Variants in GIT2 observed in about 807,000 individuals in gnomAD.
The protein encoded by GIT2 is ARF GTPase-activating protein GIT2.
GIT2 carries 32 observed loss-of-function variants against 100.3 expected under a neutral mutation model. That is an observed-to-expected ratio of 0.32 (90% CI 0.24 to 0.43). The LOEUF (loss-of-function observed/expected upper bound fraction) is 0.43. Among genes scored for constraint, GIT2 ranks in the 20% least tolerant of loss-of-function variants. The pLI is 1.00. For missense variants in GIT2, 737 were observed against 975.1 expected (o/e 0.76, Z 3.25); for synonymous variants, 353 against 364.1 (o/e 0.97, Z 0.35).
At position 109,939,255 on chromosome 12, in the gene GIT2, AAAG is replaced by A; in HGVS notation, c.1732-11_1732-9del. The A allele has an allele frequency of 6.5e-7, 1 of 1,530,028 alleles. No individual in the cohort carries two copies. The highest frequency in any genetic ancestry group is 9.1e-7 in the Non-Finnish European group (1 of 1,103,580). 94.8% of individuals were successfully genotyped at this position (1,530,028 alleles called of 1,614,324 possible). A position where few individuals can be genotyped will look rare whatever the true frequency, so the allele number is the denominator to read the frequency against. On this transcript the variant is annotated splice_polypyrimidine_tract_variant and intron_variant, in intron 16 of 19. Coordinates refer to ENST00000355312, the MANE Select transcript of GIT2 (RefSeq NM_057169.5). Reference sequence around the variant, plus strand: ...CTTCTCCAGCCTGGATGCCTACAAGAAAGAAGAGGGACCCTCATGAGTTTGTAA... The same window carrying A: ...CTTCTCCAGCCTGGATGCCTACAAGAAAGAGGGACCCTCATGAGTTTGTAA...
chr12:109,948,434 C>G lies in GIT2; in HGVS notation c.1393-930G>C, dbSNP rs980148983. On this transcript the variant is annotated intron_variant, in intron 14 of 19. Transcript: ENST00000355312. The surrounding 1 kb of genome is among the most constrained non-coding windows in gnomAD (Gnocchi z 4.3). ...GAGGCCCTGAATGCTCCTTCCATTC[C>G]TCACATGCAGGCTGCTCCATGGTGC... 1 of 1,017,598 alleles carries G rather than the reference C, an allele frequency of 9.8e-7. No individual in the cohort carries two copies. The allele number at this position is 1,017,598 out of a possible 1,614,324, so 63.0% of individuals were successfully genotyped here.
chr12:109,955,604 A>G (rs1280564563), intron 12 of GIT2, among the ~76,000 whole-genome samples: 3 of 152,236 alleles, frequency 2.0e-5, no homozygotes, highest in Non-Finnish European at 2.9e-5. Context: ...GGCACTATAA[A>G]TCATGCCTGA....
At position 109,996,279 on chromosome 12, in the gene GIT2, G is replaced by T; in HGVS notation, c.-55C>A. ...GAGGCCGGGGGACAGCAAAGGCGGC[G>T]GTGGCGGCGGCGCTTCCGCTCTAAC... On this transcript the variant is annotated 5_prime_UTR_variant, in exon 1 of 20. Transcript: ENST00000355312. 1 of 1,297,176 alleles carries T rather than the reference G, an allele frequency of 7.7e-7. No individual in the cohort carries two copies. Among genetic ancestry groups the T allele is most frequent in the Non-Finnish European group, 1.1e-6 (1 of 935,524 alleles). 80.4% of individuals were successfully genotyped at this position (1,297,176 alleles called of 1,614,324 possible).
At chr12:109,985,847 T>A (rs1436204808) in intron 4 of GIT2, among the ~76,000 whole-genome samples, 1 of 140,990 alleles carries the variant, frequency 7.1e-6, no homozygotes. Flanking sequence ...AGACTCTATC[T>A]AAAAAAAACA....
At chr12:109,986,539 C>T (rs1008168204) in intron 4 of GIT2, among the ~76,000 whole-genome samples, 5 of 151,612 alleles carry the variant, frequency 3.3e-5, no homozygotes, top group Admixed American at 6.6e-5. Flanking sequence ...CCGAGGTGGG[C>T]GGATCACGAG....
At chr12:109,970,962 T>C (rs1309043763) in intron 7 of GIT2, among the ~76,000 whole-genome samples, 1 of 152,162 alleles carries the variant, frequency 6.6e-6, no homozygotes, top group Non-Finnish European at 1.5e-5. Context: ...GCTAATTTAT[T>C]ATTTGTAGAG....
chr12:109,983,837 T>C, intron 4 of GIT2, 143 bp from the exon 5 acceptor site: 1 of 601,104 alleles, frequency 1.7e-6, no homozygotes, highest in Non-Finnish European at 3.0e-6. Context: ...TGGACCAGTC[T>C]CTCCTTTGCC....
At chr12:109,960,187 C>T (rs928966744) in intron 11 of GIT2, among the ~76,000 whole-genome samples, 4 of 152,148 alleles carry the variant, frequency 2.6e-5, no homozygotes, top group African/African-American at 9.7e-5. Flanking sequence ...TATGGCATTT[C>T]TCACATATGC....
intron 17 of GIT2, 104 bp from the exon 18 acceptor site, chr12:109,938,672 G>A: frequency 1.3e-6 from 1 of 776,342 alleles, no homozygotes; most frequent in East Asian, 2.6e-5. Context: ...TGAGCAGGCT[G>A]GTCTCGTCAT....
At chr12:109,965,903 T>C (rs1233133271) in intron 8 of GIT2, 3 of 444,788 alleles carry the variant, frequency 6.7e-6, no homozygotes, top group Admixed American at 2.8e-5. Flanking sequence ...AAAAAAAGCA[T>C]GATATAAGAA....
chr12:109,939,007 A>T (rs551303566), intron 17 of GIT2, 158 bp downstream of exon 17: 2 of 627,386 alleles, frequency 3.2e-6, no homozygotes, highest in Admixed American at 2.5e-5. Context: ...ATGACAAGAC[A>T]TGTAAACTAC....
chr12:109,965,655 A>G (rs1209620949), intron 8 of GIT2, 78 bp from the exon 9 acceptor site: 1 of 922,586 alleles, frequency 1.1e-6, no homozygotes, highest in East Asian at 2.4e-5. Flanking sequence ...GACACCCAAG[A>G]GATAAAAATA....
At chr12:109,942,053 G>A (rs1874899606) in intron 16 of GIT2, among the ~76,000 whole-genome samples, 1 of 152,052 alleles carries the variant, frequency 6.6e-6, no homozygotes, top group South Asian at 2.1e-4. Flanking sequence ...TTGAACTCCT[G>A]AGCTCAAGTG....
upstream of GIT2, among the ~76,000 whole-genome samples, chr12:110,000,163 T>C (rs1889878520): frequency 6.6e-6 from 1 of 152,224 alleles, no homozygotes; most frequent in African/African-American, 2.4e-5. Context: ...TTTTAGGTTC[T>C]GCTGCCTCAA....
chr12:109,938,709 T>C lies in GIT2; in HGVS notation c.1815-141A>G, dbSNP rs185814341. ...TCCTTTATCCTGTCTAGCAGGAGAC[T>C]CATGGTAAGGCTCTAAAATCGGCTA... On this transcript the variant is annotated intron_variant, in intron 17 of 19. Transcript: ENST00000355312. The C allele has an allele frequency of 1.6e-4, 98 of 596,560 alleles. 1 individual carries two copies. Among genetic ancestry groups the C allele is most frequent in the East Asian group, 1.1e-3 (38 of 34,698 alleles). 37.0% of individuals were successfully genotyped at this position (596,560 alleles called of 1,614,324 possible). A position where few individuals can be genotyped will look rare whatever the true frequency, so the allele number is the denominator to read the frequency against.
At chr12:109,969,675 G>A (rs998457981) in intron 7 of GIT2, among the ~76,000 whole-genome samples, 31 of 151,968 alleles carry the variant, frequency 2.0e-4, no homozygotes, top group Admixed American at 1.8e-3. Context: ...GCCTCCCAAA[G>A]TACTAGGATT....
chr12:109,996,061 C>G, intron 1 of GIT2, 112 bp downstream of exon 1: 2 of 675,954 alleles, frequency 3.0e-6, no homozygotes, highest in Non-Finnish European at 4.6e-6. Context: ...GCCCAGGGAC[C>G]TCTTCGTTGC....
chr12:109,935,223 T>A (rs545366727), intron 18 of GIT2, among the ~76,000 whole-genome samples: 1 of 152,294 alleles, frequency 6.6e-6, no homozygotes, highest in South Asian at 2.1e-4. Context: ...ATAACAAAAA[T>A]TCCAACATAT....
chr12:109,952,685 T>G, intron 13 of GIT2: 1 of 503,288 alleles, frequency 2.0e-6, no homozygotes, highest in Non-Finnish European at 4.0e-6. Flanking sequence ...CACCTGATGC[T>G]CCCAGCCATA....
Sources: allele counts gnomAD v4.1 joint callset (sites outside exome capture counted in the v4.1 genomes callset), GRCh38; gene constraint gnomAD v4.1.1; non-coding constraint Gnocchi (gnomAD v3.1); transcripts MANE v1.5; gene names NCBI Gene and HGNC (gene_info 2026-07-23, HGNC 2026-07-21).